The following WDSUB1 variants were observed in gnomAD, a reference collection of about 807,000 sequenced individuals.
WDSUB1 encodes the protein WD repeat, SAM and U-box domain-containing protein 1.
Under a neutral mutation model 53.9 loss-of-function variants are expected in WDSUB1, and 49 were observed. The ratio of observed to expected loss-of-function variants is 0.91; its 90% CI spans 0.72 to 1.15. The LOEUF is 1.15. WDSUB1 is among the 50% of genes most tolerant of loss of function. The pLI is 0.00. For synonymous variants in WDSUB1, 194 were observed against 200.6 expected (o/e 0.97, Z 0.28); for missense variants, 514 against 562.0 (o/e 0.91, Z 0.86).
At chr2:159,270,581 G>A (rs972491014) in intron 5 of WDSUB1, among the ~76,000 whole-genome samples, 2 of 152,142 alleles carry the variant, frequency 1.3e-5, no homozygotes, top group African/African-American at 4.8e-5. Context: ...CAAAATGGAG[G>A]AGAAAAGTGG....
chr2:159,284,622 C>G (rs2061749481), intron 1 of WDSUB1, among the ~76,000 whole-genome samples: 2 of 152,158 alleles, frequency 1.3e-5, no homozygotes, highest in African/African-American at 4.8e-5. Flanking sequence ...GAGGAACCAC[C>G]TCTGAATGAA....
At chr2:159,261,404 C>G (rs192350313) in intron 5 of WDSUB1, among the ~76,000 whole-genome samples, 395 of 152,188 alleles carry the variant, frequency 2.6e-3, no homozygotes, top group African/African-American at 8.6e-3. Context: ...ATTCCAGATG[C>G]AAAAAGAATT....
rs543392207 is a variant in WDSUB1, at chr2:159,266,350, G to A, written c.770+5352C>T. ...ACTACAGGCACCCGCCACAACGCCC[G>A]GCTAATTTTTTGTATTTTTAGTACA... On this transcript the variant is annotated intron_variant, in intron 5 of 10. Transcript: ENST00000359774. Among the ~76,000 whole-genome samples the A allele has an allele frequency of 4.0e-3, 608 of 152,164 alleles. 8 individuals carry two copies. The highest frequency in any genetic ancestry group is 0.014 in the African/African-American group (576 of 41,530).
rs1203543474 is a variant in WDSUB1, at chr2:159,259,660, CG to C, written c.804+149del. 4 of 836,988 alleles carry C rather than the reference CG, an allele frequency of 4.8e-6. No individual in the cohort carries two copies. The African/African-American group carries it at 7.0e-5, about 15-fold the overall frequency. The allele number at this position is 836,988 out of a possible 1,614,324, so 51.8% of individuals were successfully genotyped here. ...TGTTGCAGAACCAATATCTTACTTG[CG>C]TAACTATTTTAGCATTTGTGAAAAT... On this transcript the variant is annotated intron_variant, in intron 6 of 10. Coordinates refer to ENST00000359774, the MANE Select transcript of WDSUB1 (RefSeq NM_001128212.3).
At chr2:159,280,690 C>CAAAAAAAAAAAAAAAAAAAAAAAAAAA (rs58584838) in intron 2 of WDSUB1, among the ~76,000 whole-genome samples, 3 of 59,584 alleles carry the variant, frequency 5.0e-5, no homozygotes, top group African/African-American at 3.0e-4. Context: ...GACTCCGTCT[C>CAAAAAAAAAAAAAAAAAAAAAAAAAAA]AAAAAAAAAA....
At chr2:159,252,652 A>G (rs2060975350) in intron 9 of WDSUB1, among the ~76,000 whole-genome samples, 1 of 152,204 alleles carries the variant, frequency 6.6e-6, no homozygotes, top group Non-Finnish European at 1.5e-5. Context: ...AAAACTGTAA[A>G]TGTTCAATTA....
At chr2:159,247,490 CAAAACTGG>C (rs1448079847) in intron 10 of WDSUB1, among the ~76,000 whole-genome samples, 1 of 151,894 alleles carries the variant, frequency 6.6e-6, no homozygotes, top group Non-Finnish European at 1.5e-5. Flanking sequence ...ACAATGATCA[CAAAACTGG>C]AAAACCAGGT....
intron 10 of WDSUB1, among the ~76,000 whole-genome samples, chr2:159,238,823 C>T (rs142218335): frequency 4.8e-4 from 67 of 140,868 alleles, no homozygotes; most frequent in East Asian, 4.6e-3. Context: ...GTGTATCTCT[C>T]GGTAAAAAGT....
chr2:159,279,901 GA>G lies in WDSUB1; in HGVS notation c.442del (p.Ser148LeufsTer16). ...AGTGACAAAGAAGCTTCCATTAGGA[GA>G]AAATGCACATGCCGCCAAGGAGCCA... ...KDGSLAACAF[S>X]PNGSFFVTGS... On this transcript the variant is annotated frameshift_variant, in exon 3 of 11. Coordinates refer to ENST00000359774, the MANE Select transcript of WDSUB1 (RefSeq NM_001128212.3). LOFTEE classifies it high-confidence loss of function. 1 of 1,612,148 alleles carries G rather than the reference GA, an allele frequency of 6.2e-7. No homozygotes were observed. Among genetic ancestry groups the G allele is most frequent in the Non-Finnish European group, 8.5e-7 (1 of 1,178,640 alleles).
chr2:159,242,827 A>AATTTAAAAGTATGAAT (rs2151048668), intron 10 of WDSUB1, among the ~76,000 whole-genome samples: 1 of 148,218 alleles, frequency 6.7e-6, no homozygotes, highest in South Asian at 2.1e-4. Flanking sequence ...TTACTTTCAT[A>AATTTAAAAGTATGAAT]ATTTAAAAGT....
chr2:159,271,602 G>GT lies in WDSUB1; in HGVS notation c.770+99dup, dbSNP rs927844869. On this transcript the variant is annotated intron_variant, in intron 5 of 10. Coordinates refer to ENST00000359774, the MANE Select transcript of WDSUB1 (RefSeq NM_001128212.3). Reference sequence around the variant, plus strand: ...AATGTTCTATTTCTTGACCTTTGTGGTGGCTCATCAAGCTATTCTTTGAGG... The same window carrying GT: ...AATGTTCTATTTCTTGACCTTTGTGGTTGGCTCATCAAGCTATTCTTTGAGG... 4.0e-6 allele frequency: 4 copies of GT among 1,004,014 alleles called. No homozygotes were observed. In the African/African-American group the frequency reaches 4.9e-5, roughly 12 times the overall value. 62.2% of individuals were successfully genotyped at this position (1,004,014 alleles called of 1,614,324 possible).
intron 5 of WDSUB1, among the ~76,000 whole-genome samples, chr2:159,260,445 A>G (rs932922821): frequency 6.6e-6 from 1 of 152,262 alleles, no homozygotes; most frequent in African/African-American, 2.4e-5. Flanking sequence ...ATAACAAGTT[A>G]GTAACTGAAT....
At chr2:159,273,793 T>C (rs1040908133) in intron 4 of WDSUB1, among the ~76,000 whole-genome samples, 3 of 152,210 alleles carry the variant, frequency 2.0e-5, no homozygotes, top group Non-Finnish European at 2.9e-5. Context: ...GTCAACATAT[T>C]TTCCAGTAAA....
intron 10 of WDSUB1, among the ~76,000 whole-genome samples, chr2:159,246,930 C>A (rs1044714977): frequency 6.6e-6 from 1 of 152,152 alleles, no homozygotes; most frequent in African/African-American, 2.4e-5. Flanking sequence ...ATGGATGAAA[C>A]TAAAATTTGA....
intron 1 of WDSUB1, among the ~76,000 whole-genome samples, chr2:159,283,982 T>C (rs1240092452): frequency 1.3e-5 from 2 of 152,028 alleles, no homozygotes; most frequent in Non-Finnish European, 2.9e-5. Context: ...GCCCGGCTAA[T>C]TTTTTGTATT....
intron 10 of WDSUB1, among the ~76,000 whole-genome samples, chr2:159,244,127 T>A (rs1009722017): frequency 2.4e-4 from 36 of 152,324 alleles, no homozygotes; most frequent in Non-Finnish European, 4.1e-4. Context: ...TCATACTTAA[T>A]GGTGAAAGTT....
rs2060655446 is a variant in WDSUB1 at position 159,241,765 on chromosome 2, T to C, written c.1274-5575A>G. Among the ~76,000 whole-genome samples, 6 of 135,850 alleles carry C rather than the reference T, an allele frequency of 4.4e-5. No individual in the cohort carries two copies. In the South Asian group the frequency reaches 1.3e-3, roughly 31 times the overall value. The allele number at this position is 135,850 out of a possible 152,430, so 89.1% of individuals were successfully genotyped here. ...TCTCACATTGTCGCCGGGGCTAGAG[T>C]GCAGTGGCATGATCTCGGCTCACTG... On this transcript the variant is annotated intron_variant, in intron 10 of 10. Transcript: ENST00000359774.
At chr2:159,265,127 A>AC (rs2061313995) in intron 5 of WDSUB1, among the ~76,000 whole-genome samples, 3 of 138,982 alleles carry the variant, frequency 2.2e-5, no homozygotes, top group Admixed American at 6.8e-5. Flanking sequence ...CAACAACAAA[A>AC]AAAAACAACT....
intron 5 of WDSUB1, among the ~76,000 whole-genome samples, chr2:159,265,102 A>AC (rs1553457378): frequency 0.012 from 1,694 of 146,456 alleles, 39 homozygotes; most frequent in African/African-American, 0.038. Flanking sequence ...AAAAAAAATA[A>AC]AACAACAACA....
Sources: gnomAD v4.1 joint callset for allele counts (sites outside exome capture counted in the v4.1 genomes callset) on GRCh38, gnomAD v4.1.1 for gene constraint, MANE v1.5 for transcripts, NCBI Gene and HGNC (gene_info 2026-07-23, HGNC 2026-07-21) for gene names.